The following KCNJ6 variants were observed in gnomAD, a reference collection of about 807,000 sequenced individuals.
KCNJ6 encodes G protein-activated inward rectifier potassium channel 2.
In KCNJ6, 9 loss-of-function variants were observed where a neutral mutation model predicts 34.2. That is an observed-to-expected ratio of 0.26 (90% CI 0.16 to 0.46). The LOEUF (loss-of-function observed/expected upper bound fraction) is 0.46, where lower values mean the gene tolerates loss of function less well. Ranked by LOEUF, KCNJ6 falls within the 20% of genes least tolerant of loss-of-function variation. The pLI is 1.00. For missense variants in KCNJ6, 236 were observed against 531.3 expected (o/e 0.44, Z 5.46); for synonymous variants, 196 against 207.1 (o/e 0.95, Z 0.46).
At chr21:37,676,519 T>A (rs2054565539) in intron 3 of KCNJ6, among the ~76,000 whole-genome samples, 1 of 151,990 alleles carries the variant, frequency 6.6e-6, no homozygotes, top group Non-Finnish European at 1.5e-5. Flanking sequence ...TGGGTGGGCG[T>A]ATGAGGTGCA....
intron 1 of KCNJ6, among the ~76,000 whole-genome samples, chr21:37,864,080 A>G (rs1189219166): frequency 1.3e-5 from 2 of 151,542 alleles, no homozygotes; most frequent in Non-Finnish European, 2.9e-5. Flanking sequence ...TGACAGAGAC[A>G]CAGGAAAGGA....
chr21:37,716,386 T>G (rs1457732518), intron 2 of KCNJ6, among the ~76,000 whole-genome samples: 5 of 151,588 alleles, frequency 3.3e-5, no homozygotes. Flanking sequence ...TAAATTTTTT[T>G]TTTTTTTTTT....
At chr21:37,800,358 C>T (rs755452134) in intron 2 of KCNJ6, among the ~76,000 whole-genome samples, 2 of 152,118 alleles carry the variant, frequency 1.3e-5, no homozygotes, top group Non-Finnish European at 2.9e-5. Context: ...AAACTTTATG[C>T]TGGACAATGA....
chr21:37,847,219 G>C (rs1273926202), intron 1 of KCNJ6, among the ~76,000 whole-genome samples: 1 of 152,156 alleles, frequency 6.6e-6, no homozygotes, highest in African/African-American at 2.4e-5. Flanking sequence ...GCCTGTCACT[G>C]CATTAGTACA....
At chr21:37,656,384 C>G (rs1253784203) in intron 3 of KCNJ6, among the ~76,000 whole-genome samples, 1 of 152,236 alleles carries the variant, frequency 6.6e-6, no homozygotes, top group Non-Finnish European at 1.5e-5. Flanking sequence ...CCCACCAGCT[C>G]TCCTCTCCCT....
rs1328655650 is a variant in KCNJ6, at chr21:37,793,297, C to T, written c.25+47361G>A. ...TGCAGGTTGTGAGTGGGTGTTAATACAACCAGAGGGCCCACACTATGAAGA... is the reference window on the plus strand; with the variant it reads ...TGCAGGTTGTGAGTGGGTGTTAATATAACCAGAGGGCCCACACTATGAAGA... On this transcript the variant is annotated intron_variant, in intron 2 of 3. Coordinates refer to ENST00000609713, the MANE Select transcript of KCNJ6 (RefSeq NM_002240.5). Among the ~76,000 whole-genome samples, 3 of 152,216 alleles carry T rather than the reference C, an allele frequency of 2.0e-5. No homozygotes were observed. In the South Asian group the frequency reaches 6.2e-4, roughly 32 times the overall value.
intron 2 of KCNJ6, among the ~76,000 whole-genome samples, chr21:37,783,681 C>A (rs535221859): frequency 1.3e-5 from 2 of 152,310 alleles, no homozygotes; most frequent in Admixed American, 1.3e-4. Context: ...TGCTTGAAGT[C>A]TTTGCTTTTG....
chr21:37,752,337 C>A (rs2055000199), intron 2 of KCNJ6, among the ~76,000 whole-genome samples: 1 of 152,150 alleles, frequency 6.6e-6, no homozygotes, highest in Non-Finnish European at 1.5e-5. Context: ...CTGCAACAGG[C>A]TGACCAGCAT....
At chr21:37,648,747 C>A (rs905896109) in intron 3 of KCNJ6, among the ~76,000 whole-genome samples, 1 of 152,128 alleles carries the variant, frequency 6.6e-6, no homozygotes, top group African/African-American at 2.4e-5. Context: ...TGGGGTCAGT[C>A]ATTTGTCCAA....
chr21:37,740,782 A>G (rs1892681), intron 2 of KCNJ6, among the ~76,000 whole-genome samples: 75,202 of 152,116 alleles, frequency 0.49, 18,904 homozygotes, highest in South Asian at 0.62. Context: ...CTTGAATAGC[A>G]TGATTTGGCT....
At chr21:37,745,939 C>T (rs908348956) in intron 2 of KCNJ6, among the ~76,000 whole-genome samples, 2 of 152,286 alleles carry the variant, frequency 1.3e-5, no homozygotes, top group Admixed American at 1.3e-4. Flanking sequence ...TTGTTTCTCA[C>T]AGTTCTGAAG....
chr21:37,863,858 T>G (rs965379176), intron 1 of KCNJ6, among the ~76,000 whole-genome samples: 1 of 112,870 alleles, frequency 8.9e-6, no homozygotes, highest in African/African-American at 3.6e-5. Flanking sequence ...TTTTTTTTTT[T>G]TGTTTTTTTT....
At chr21:37,636,582 G>A (rs893601703) in intron 3 of KCNJ6, among the ~76,000 whole-genome samples, 2 of 152,166 alleles carry the variant, frequency 1.3e-5, no homozygotes, top group African/African-American at 4.8e-5. Context: ...GTGAGAAGGA[G>A]AGCTTGGAGG....
Position 37,696,179 on chromosome 21 carries a change from G to A in KCNJ6, c.946+18032C>T, listed in dbSNP as rs1000567666. ...ATAACCGATTCAGGTTAGAATTATC[G>A]ATGAATGCTAAAAGCAAAGTTTGAG... On this transcript the variant is annotated intron_variant, in intron 3 of 3. Transcript: ENST00000609713. 5.9e-5 allele frequency among the ~76,000 whole-genome samples: 9 copies of A among 152,310 alleles called. No homozygotes were observed. In the East Asian group the frequency reaches 1.2e-3, roughly 20 times the overall value.
chr21:37,906,582 C>T (rs1463498136), intron 1 of KCNJ6, among the ~76,000 whole-genome samples: 1 of 152,146 alleles, frequency 6.6e-6, no homozygotes, highest in Non-Finnish European at 1.5e-5. Context: ...TAGCCAGCTC[C>T]CTGGTGATGC....
At chr21:37,840,914 C>A (rs2055477202) in intron 1 of KCNJ6, among the ~76,000 whole-genome samples, 1 of 152,136 alleles carries the variant, frequency 6.6e-6, no homozygotes, top group African/African-American at 2.4e-5. Context: ...TAAAAAGCTT[C>A]CCATTGCTCT....
chr21:37,884,825 T>C (rs745428287), intron 1 of KCNJ6, among the ~76,000 whole-genome samples: 104 of 152,292 alleles, frequency 6.8e-4, no homozygotes, highest in Non-Finnish European at 1.1e-3. Context: ...AGGCTACTTA[T>C]GGGTCCTAAA....
intron 1 of KCNJ6, among the ~76,000 whole-genome samples, chr21:37,863,846 G>GTTTTTCTTTTTTTT (rs2055606792): frequency 1.0e-5 from 1 of 97,042 alleles, no homozygotes; most frequent in African/African-American, 4.3e-5. Flanking sequence ...AAATATAAAG[G>GTTTTTCTTTTTTTT]TTTTTTTTTT....
At chr21:37,699,920 G>A (rs577104916) in intron 3 of KCNJ6, among the ~76,000 whole-genome samples, 10 of 152,300 alleles carry the variant, frequency 6.6e-5, no homozygotes, top group East Asian at 1.9e-4. Flanking sequence ...TCATAGGGAA[G>A]CCAGATGTTG....
Sources: gnomAD v4.1 joint callset for allele counts (sites outside exome capture counted in the v4.1 genomes callset) on GRCh38, gnomAD v4.1.1 for gene constraint, MANE v1.5 for transcripts, NCBI Gene and HGNC (gene_info 2026-07-23, HGNC 2026-07-21) for gene names.